PALLD: variants seen among roughly 807,000 people sequenced by gnomAD.
The protein encoded by PALLD is palladin, cytoskeletal associated protein.
In PALLD, 61 loss-of-function variants were observed where a neutral mutation model predicts 123.5. The ratio of observed to expected loss-of-function variants is 0.49; its 90% CI spans 0.40 to 0.61. The LOEUF (loss-of-function observed/expected upper bound fraction) is 0.61, where lower values mean the gene tolerates loss of function less well. PALLD is among the 20% of genes least tolerant of loss of function. The pLI is 0.00. For synonymous variants in PALLD, 465 were observed against 496.4 expected, an observed-to-expected ratio of 0.94 and a Z score of 0.84; for missense variants, 1,273 against 1,377.0, an observed-to-expected ratio of 0.92 and a Z score of 1.20.
intron 2 of PALLD, among the ~76,000 whole-genome samples, chr4:168,564,107 G>A (rs1476452427): frequency 6.6e-6 from 1 of 152,168 alleles, no homozygotes; most frequent in Non-Finnish European, 1.5e-5. Flanking sequence ...TTTATTCTGA[G>A]CCTAGCTGTC....
chr4:168,850,094 G>T (rs1290183049), intron 10 of PALLD, among the ~76,000 whole-genome samples: 1 of 152,094 alleles, frequency 6.6e-6, no homozygotes, highest in African/African-American at 2.4e-5. Flanking sequence ...TGAAAGATCT[G>T]ATTTTAAGCA....
At position 168,889,138 on chromosome 4, in the gene PALLD, TTG is replaced by T. The variant is rs143065658; in HGVS notation, c.1965-1757_1965-1756del. On this transcript the variant is annotated intron_variant, in intron 10 of 21. Transcript: ENST00000505667. Reference sequence around the variant, plus strand: ...TAAAGTTTTGTTTGTTTGCTTTATTTTGTGTGTGTGTGTGTGTGTGTGTGTGT... The same window carrying T: ...TAAAGTTTTGTTTGTTTGCTTTATTTTGTGTGTGTGTGTGTGTGTGTGTGT... 2.0e-3 allele frequency among the ~76,000 whole-genome samples: 259 copies of T among 132,242 alleles called. 2 individuals carry two copies. Among genetic ancestry groups the T allele is most frequent in the East Asian group, 3.9e-3 (18 of 4,618 alleles). 86.8% of individuals were successfully genotyped at this position (132,242 alleles called of 152,430 possible). A position where few individuals can be genotyped will look rare whatever the true frequency, so the allele number is the denominator to read the frequency against.
intron 2 of PALLD, among the ~76,000 whole-genome samples, chr4:168,590,129 G>A (rs1019538866): frequency 6.6e-6 from 1 of 152,248 alleles, no homozygotes; most frequent in Non-Finnish European, 1.5e-5. Flanking sequence ...CCTGAGGTCA[G>A]GAGTTTGAGA....
intron 2 of PALLD, chr4:168,648,931 C>T (rs915293342): frequency 6.6e-6 from 1 of 152,216 alleles, no homozygotes; most frequent in African/African-American, 2.4e-5. Flanking sequence ...ATGCAAGTTT[C>T]CATTTTGTTT....
At chr4:168,813,107 G>T (rs898668844) in intron 10 of PALLD, among the ~76,000 whole-genome samples, 3 of 151,580 alleles carry the variant, frequency 2.0e-5, no homozygotes, top group Admixed American at 6.6e-5. Context: ...CGTACTTTTG[G>T]GGGGGGCGGA....
chr4:168,685,829 A>AC (rs1251441576), intron 6 of PALLD, among the ~76,000 whole-genome samples: 15 of 151,246 alleles, frequency 9.9e-5, no homozygotes, highest in African/African-American at 2.9e-4. Flanking sequence ...AAAAAAAAAA[A>AC]AAAAAACCTG....
At position 168,548,548 on chromosome 4, in the gene PALLD, C is replaced by A. The variant is rs562966731; in HGVS notation, c.908+36136C>A. ...AATCTCAGAAGAGGCTAATAAAATA[C>A]TGATATGAGAGATGAGAGAGTCTGG... On this transcript the variant is annotated intron_variant, in intron 2 of 21. Transcript: ENST00000505667. Among the ~76,000 whole-genome samples the A allele has an allele frequency of 2.0e-4, 30 of 152,156 alleles. No individual in the cohort carries two copies. In the South Asian group the frequency reaches 6.2e-3, roughly 32 times the overall value.
chr4:168,636,370 A>G (rs1180707486), intron 2 of PALLD, among the ~76,000 whole-genome samples: 1 of 152,228 alleles, frequency 6.6e-6, no homozygotes, highest in Non-Finnish European at 1.5e-5. Flanking sequence ...CTGTAGTCCT[A>G]GCTGCCTAGG....
chr4:168,812,089 A>G (rs1257079613), intron 10 of PALLD, among the ~76,000 whole-genome samples: 1 of 152,322 alleles, frequency 6.6e-6, no homozygotes, highest in African/African-American at 2.4e-5. Context: ...AGAAGAGAAC[A>G]TGAGGTGAGA....
At chr4:168,655,810 A>C (rs6814933) in intron 2 of PALLD, among the ~76,000 whole-genome samples, 20,142 of 152,158 alleles carry the variant, frequency 0.13, 4,209 homozygotes, top group African/African-American at 0.44. Flanking sequence ...GACTTTGGGG[A>C]AAGTTCTTCC....
intron 10 of PALLD, among the ~76,000 whole-genome samples, chr4:168,729,988 C>T (rs532062510): frequency 1.3e-5 from 2 of 152,074 alleles, no homozygotes; most frequent in South Asian, 4.1e-4. Context: ...ATCTCTTCAC[C>T]CCTAGTACTT....
chr4:168,810,832 A>AG lies in PALLD; in HGVS notation c.1965-80090_1965-80089insG, dbSNP rs1464772076. On this transcript the variant is annotated intron_variant, in intron 10 of 21. Coordinates refer to ENST00000505667, the MANE Select transcript of PALLD (RefSeq NM_001166108.2). Reference sequence around the variant, plus strand: ...TCCGTCTCAAAAAAAAAAAAGAAAAAAAAAGAAGAAGAAGAAGAAAATTCA... The same window carrying AG: ...TCCGTCTCAAAAAAAAAAAAGAAAAAGAAAAGAAGAAGAAGAAGAAAATTCA... Among the ~76,000 whole-genome samples, 349 of 151,108 alleles carry AG rather than the reference A, an allele frequency of 2.3e-3. 1 individual carries two copies. The highest frequency in any genetic ancestry group is 6.8e-3 in the Middle Eastern group (2 of 292).
intron 13 of PALLD, 30 bp downstream of exon 13, chr4:168,896,629 A>C: frequency 7.7e-7 from 1 of 1,305,076 alleles, no homozygotes; most frequent in Non-Finnish European, 1.1e-6. Flanking sequence ...TTCTCCTTCC[A>C]GTCTTTCTCT....
intron 18 of PALLD, 74 bp downstream of exon 18, chr4:168,921,815 T>C: frequency 8.8e-7 from 1 of 1,132,248 alleles, no homozygotes; most frequent in African/African-American, 1.5e-5. Context: ...AATTCTACAT[T>C]ACTAACCAAT....
intron 10 of PALLD, among the ~76,000 whole-genome samples, chr4:168,749,030 A>G (rs1215393734): frequency 1.3e-5 from 2 of 152,068 alleles, no homozygotes; most frequent in African/African-American, 4.8e-5. Flanking sequence ...CCAGTGTTGG[A>G]GGTGGGGCCT....
intron 10 of PALLD, among the ~76,000 whole-genome samples, chr4:168,858,432 T>G (rs1177146267): frequency 6.6e-6 from 1 of 152,220 alleles, no homozygotes; most frequent in African/African-American, 2.4e-5. Flanking sequence ...GGCATGTTTC[T>G]CTGAGATACT....
At chr4:168,562,543 A>G (rs1190167839) in intron 2 of PALLD, among the ~76,000 whole-genome samples, 1 of 152,236 alleles carries the variant, frequency 6.6e-6, no homozygotes, top group African/African-American at 2.4e-5. Context: ...ATAAAGATGC[A>G]GGCTGGAAAG....
chr4:168,917,490 A>C (rs1003650388), intron 17 of PALLD, among the ~76,000 whole-genome samples: 1 of 152,154 alleles, frequency 6.6e-6, no homozygotes, highest in Non-Finnish European at 1.5e-5. Context: ...TATTTAAGAA[A>C]CACTGCTCTA....
At chr4:168,852,629 T>C (rs1747970387) in intron 10 of PALLD, among the ~76,000 whole-genome samples, 1 of 152,062 alleles carries the variant, frequency 6.6e-6, no homozygotes, top group Non-Finnish European at 1.5e-5. Flanking sequence ...GGCAACAGAG[T>C]GAGACCCTGT....
Sources: gnomAD v4.1 joint callset for allele counts (sites outside exome capture counted in the v4.1 genomes callset) on GRCh38, gnomAD v4.1.1 for gene constraint, MANE v1.5 for transcripts, NCBI Gene and HGNC (gene_info 2026-07-23, HGNC 2026-07-21) for gene names.